The following MYBPC3 variants were observed in gnomAD, a reference collection of about 807,000 sequenced individuals.
MYBPC3 encodes the protein myosin binding protein C3.
In MYBPC3, 108 loss-of-function variants were observed where a neutral mutation model predicts 159.3. The observed-to-expected ratio is 0.68, with a 90% CI of 0.58 to 0.80. The LOEUF (loss-of-function observed/expected upper bound fraction) is 0.80, where lower values mean the gene tolerates loss of function less well. MYBPC3 is among the 30% of genes least tolerant of loss of function. MYBPC3 has a pLI of 0.00. For missense variants in MYBPC3, 1,631 were observed against 1,762.1 expected, an observed-to-expected ratio of 0.93 and a Z score of 1.33; for synonymous variants, 730 against 702.0, an observed-to-expected ratio of 1.04 and a Z score of -0.63.
chr11:47,348,908 T>TTATATATATATATATATATAAA (rs58411933), intron 5 of MYBPC3, among the ~76,000 whole-genome samples: 1 of 39,884 alleles, frequency 2.5e-5, no homozygotes, highest in Non-Finnish European at 5.4e-5. Flanking sequence ...CTGTCTCAAA[T>TTATATATATATATATATATAAA]TATATATATA....
intron 8 of MYBPC3, 42 bp from the exon 9 acceptor site, chr11:47,347,521 G>A (rs1384128867): frequency 6.3e-7 from 1 of 1,581,116 alleles, no homozygotes; most frequent in Non-Finnish European, 8.6e-7. Context: ...TGAGGGACTG[G>A]AAAGGGATTA....
chr11:47,343,169 G>A, intron 14 of MYBPC3, 24 bp from the exon 15 acceptor site: 1 of 1,605,606 alleles, frequency 6.2e-7, no homozygotes, highest in South Asian at 1.1e-5. Flanking sequence ...GCAGGGAAGT[G>A]GCAGGAAAGC....
At position 47,343,361 on chromosome 11, in the gene MYBPC3, G is replaced by A. The variant is rs1382622923; in HGVS notation, c.1224-99C>T. ...AGGGACCGGCAGGAGCAAAAGGATG[G>A]GAAATTAGGCCCAGAGAGATGGGGC... is the stretch of plus-strand genomic sequence containing the variant. On this transcript the variant is annotated intron_variant, in intron 13 of 34. Coordinates refer to ENST00000545968, the MANE Select transcript of MYBPC3 (RefSeq NM_000256.3). 8.8e-6 allele frequency: 13 copies of A among 1,483,074 alleles called. No homozygotes were observed. The East Asian group carries it at 3.1e-4, about 36-fold the overall frequency. 91.9% of individuals were successfully genotyped at this position (1,483,074 alleles called of 1,614,324 possible). A position where few individuals can be genotyped will look rare whatever the true frequency, so the allele number is the denominator to read the frequency against.
At position 47,339,662 on chromosome 11, in the gene MYBPC3, C is replaced by A; in HGVS notation, c.2056G>T (p.Ala686Ser). The change falls in exon 21 of 35, where the codon GCT (alanine) becomes TCT (serine). Residue 686 changes from alanine (A) to serine (S), a missense_variant. Coordinates refer to ENST00000545968, the MANE Select transcript of MYBPC3 (RefSeq NM_000256.3). ...DPAPTVIWQKAITQGNKAPAR... is the reference protein window; with the variant it reads ...DPAPTVIWQKSITQGNKAPAR... ...GGGACCCACAGTACCTGCGTGATAG[C>A]CTTCTGCCAGATCACAGTGGGAGCA... 6.2e-7 allele frequency: 1 copy of A among 1,603,146 alleles called. No individual in the cohort carries two copies.
chr11:47,351,109 G>A lies in MYBPC3; in HGVS notation c.292+130C>T. On this transcript the variant is annotated intron_variant, in intron 2 of 34. Transcript: ENST00000545968. The surrounding 1 kb of genome is among the most constrained non-coding windows in gnomAD (Gnocchi z 4.2). ...AGAAAAGGGGGAAAGGGCGTTCCTG[G>A]CGGGGGGCACAGCCACAGCAAAGGC... 1 of 1,219,442 alleles carries A rather than the reference G, an allele frequency of 8.2e-7. No homozygotes were observed. The highest frequency in any genetic ancestry group is 1.5e-5 in the African/African-American group (1 of 65,472). The allele number at this position is 1,219,442 out of a possible 1,614,324, so 75.5% of individuals were successfully genotyped here.
intron 30 of MYBPC3, 94 bp downstream of exon 30, chr11:47,333,100 A>G: frequency 6.6e-7 from 1 of 1,523,494 alleles, no homozygotes; most frequent in Non-Finnish European, 8.8e-7. Flanking sequence ...AGGGAGGGTG[A>G]GGGGTCCACG....
Position 47,338,759 on chromosome 11 carries a change from C to A in MYBPC3, c.2149-80G>T. On this transcript the variant is annotated intron_variant, in intron 22 of 34. Coordinates refer to ENST00000545968, the MANE Select transcript of MYBPC3 (RefSeq NM_000256.3). This position sits in a 1 kb window ranked among gnomAD's most constrained non-coding sequence, Gnocchi z 4.7. ...AGCCTCCGCCAACAGCCAGATGTCC[C>A]GGGGGTCCATGGGGGGAACACAGCC... 2 of 1,467,914 alleles carry A rather than the reference C, an allele frequency of 1.4e-6. No homozygotes were observed. The highest frequency in any genetic ancestry group is 2.4e-5 in the East Asian group (1 of 40,850). The allele number at this position is 1,467,914 out of a possible 1,614,324, so 90.9% of individuals were successfully genotyped here. A position where few individuals can be genotyped will look rare whatever the true frequency, so the allele number is the denominator to read the frequency against.
rs138484124 is a variant in MYBPC3 at position 47,351,190 on chromosome 11, C to T, written c.292+49G>A. The T allele has an allele frequency of 1.5e-6, 2 of 1,364,202 alleles. No individual in the cohort carries two copies. The highest frequency in any genetic ancestry group is 2.4e-5 in the Admixed American group (1 of 41,164). The allele number at this position is 1,364,202 out of a possible 1,614,324, so 84.5% of individuals were successfully genotyped here. ...GGATGGATGGAGAGTCGCTGGGCTG[C>T]CCCTCCCCCAGCAGCCCAAACCTCA... On this transcript the variant is annotated intron_variant, in intron 2 of 34. Transcript: ENST00000545968. The surrounding 1 kb of genome is among the most constrained non-coding windows in gnomAD (Gnocchi z 4.2).
In MYBPC3 at chr11:47,338,508, G is replaced by A. The variant is rs727505335; in HGVS notation, c.2308+12C>T. The A allele has an allele frequency of 2.1e-5, 34 of 1,613,814 alleles. 1 individual carries two copies. Among genetic ancestry groups the A allele is most frequent in the South Asian group, 1.2e-4 (11 of 91,078 alleles). On this transcript the variant is annotated intron_variant, in intron 23 of 34. Transcript: ENST00000545968. The surrounding 1 kb of genome is among the most constrained non-coding windows in gnomAD (Gnocchi z 4.7). The stretch of plus-strand genomic sequence containing the variant: ...CTCTGTGTTCTCCAGCTTGGACCCC[G>A]GCCGGCCTCACCGATGACCTTGACT...
intron 21 of MYBPC3, 76 bp from the exon 22 acceptor site, chr11:47,339,480 C>A: frequency 1.3e-6 from 2 of 1,537,424 alleles, no homozygotes; most frequent in South Asian, 2.3e-5. Context: ...CTGCTTCTTC[C>A]ACCCCCTGAC....
intron 20 of MYBPC3, 65 bp from the exon 21 acceptor site, chr11:47,339,855 G>C: frequency 6.4e-7 from 1 of 1,558,384 alleles, no homozygotes; most frequent in South Asian, 1.2e-5. Context: ...TCACTGGGGC[G>C]GGGCTGCTCA....
intron 17 of MYBPC3, among the ~76,000 whole-genome samples, 156 bp downstream of exon 17, chr11:47,342,422 A>G (rs1212930440): frequency 6.6e-6 from 1 of 152,134 alleles, no homozygotes; most frequent in Non-Finnish European, 1.5e-5. Flanking sequence ...CAGCATCGTC[A>G]TTTTAGAGAT....
rs779493486 is a variant in MYBPC3 at position 47,350,073 on chromosome 11, G to A, written c.446C>T (p.Ala149Val). Residue 149 changes from alanine to valine, a missense_variant, in exon 4 of 35, where the codon GCC becomes GTC. Physicochemically the swap from Ala to Val is moderately conservative, Grantham distance 64 (BLOSUM62 0). Coordinates refer to ENST00000545968, the MANE Select transcript of MYBPC3 (RefSeq NM_000256.3). ...SAALNGPTPG[A>V]PDDPIGLFVM... ...GAAGAGGCCAATGGGGTCATCGGGG[G>A]CTCCAGGGGTAGGACCATTGAGAGC... The A allele has an allele frequency of 1.4e-5, 22 of 1,561,962 alleles. No homozygotes were observed. The East Asian group carries it at 3.1e-4, about 22-fold the overall frequency.
chr11:47,339,815 G>A, intron 20 of MYBPC3, 25 bp from the exon 21 acceptor site: 1 of 1,605,188 alleles, frequency 6.2e-7, no homozygotes, highest in Non-Finnish European at 8.5e-7. Flanking sequence ...ATGTAGTTCA[G>A]AGAAACGGGA....
At chr11:47,337,034 G>GTT (rs2095882959) in intron 25 of MYBPC3, among the ~76,000 whole-genome samples, 1 of 152,234 alleles carries the variant, frequency 6.6e-6, no homozygotes, top group African/African-American at 2.4e-5. Context: ...TTGAGCACCT[G>GTT]TTAGATGCCA....
Position 47,332,102 on chromosome 11 carries a change from C to T in MYBPC3, c.3784G>A (p.Ala1262Thr). 1.2e-6 allele frequency: 2 copies of T among 1,613,166 alleles called. No individual in the cohort carries two copies. The highest frequency in any genetic ancestry group is 1.7e-6 in the Non-Finnish European group (2 of 1,179,590). ...VCRATNLQGE[A>T]RCECRLEVRV... is the part of the protein sequence containing the mutation. Reference sequence around the variant, plus strand: ...ACCTCCAGGCGGCACTCACACCGTGCCTCGCCCTGTAAGTTGGTGGCCCTG... The same window carrying T: ...ACCTCCAGGCGGCACTCACACCGTGTCTCGCCCTGTAAGTTGGTGGCCCTG... Residue 1262 changes from alanine to threonine, a missense_variant, in exon 33 of 35, where the codon GCA becomes ACA. Ala to Thr is a moderately conservative substitution (Grantham distance 58, BLOSUM62 0). Coordinates refer to ENST00000545968, the MANE Select transcript of MYBPC3 (RefSeq NM_000256.3). This position sits in a 1 kb window ranked among gnomAD's most constrained non-coding sequence, Gnocchi z 4.2.
rs730880571 is a variant in MYBPC3 at position 47,337,442 on chromosome 11, C to T, written c.2551G>A (p.Ala851Thr). 6.2e-6 allele frequency: 10 copies of T among 1,611,648 alleles called. No homozygotes were observed. The highest frequency in any genetic ancestry group is 1.1e-5 in the South Asian group (1 of 91,020). The change falls in exon 25 of 35, where the codon GCC (alanine) becomes ACC (threonine). Residue 851 changes from alanine to threonine, a missense_variant. By Grantham distance (58) the Ala-to-Thr change is moderately conservative. Coordinates refer to ENST00000545968, the MANE Select transcript of MYBPC3 (RefSeq NM_000256.3). ...GGGCTGGGCCTGGACATGCCGATGG[C>T]GTTGACCGCGTAGACGCGCATCTCG... ...VYEMRVYAVN[A>T]IGMSRPSPAS...
chr11:47,346,314 GC>G lies in MYBPC3; in HGVS notation c.982del (p.Ala328HisfsTer22). On this transcript the variant is annotated frameshift_variant, in exon 12 of 35. Coordinates refer to ENST00000545968, the MANE Select transcript of MYBPC3 (RefSeq NM_000256.3). LOFTEE classifies it high-confidence loss of function. This position sits in a 1 kb window ranked among gnomAD's most constrained non-coding sequence, Gnocchi z 5.3. ...EEDVWEILRQ[A>X]PPSEYERIAF... is the part of the protein sequence containing the mutation. ...GATGCGCTCGTACTCAGATGGGGGT[GC>G]CTGCCGTAGGATCTCCCACACGTCC... 6.2e-7 allele frequency: 1 copy of G among 1,611,756 alleles called. No individual in the cohort carries two copies. Among genetic ancestry groups the G allele is most frequent in the Non-Finnish European group, 8.5e-7 (1 of 1,179,054 alleles).
In MYBPC3 at chr11:47,348,305, C is replaced by T. The variant is rs950874277; in HGVS notation, c.772+119G>A. ...CACCCTGTGTGTGCAGCACTGGGCA[C>T]GTGGCCAGCACTCATGTCTGGATGG... On this transcript the variant is annotated intron_variant, in intron 6 of 34. Coordinates refer to ENST00000545968, the MANE Select transcript of MYBPC3 (RefSeq NM_000256.3). 6.5e-5 allele frequency: 49 copies of T among 757,016 alleles called. No homozygotes were observed. The Middle Eastern group carries it at 7.0e-4, about 11-fold the overall frequency. The allele number at this position is 757,016 out of a possible 1,614,324, so 46.9% of individuals were successfully genotyped here. A position where few individuals can be genotyped will look rare whatever the true frequency, so the allele number is the denominator to read the frequency against.
Sources: gnomAD v4.1 joint callset for allele counts (sites outside exome capture counted in the v4.1 genomes callset) on GRCh38, gnomAD v4.1.1 for gene constraint, Gnocchi (gnomAD v3.1) non-coding constraint, MANE v1.5 for transcripts, NCBI Gene and HGNC (gene_info 2026-07-23, HGNC 2026-07-21) for gene names.